Variants in ZBTB16 observed in about 807,000 individuals in gnomAD.
ZBTB16 encodes zinc finger and BTB domain containing 16.
Under a neutral mutation model 56.8 loss-of-function variants are expected in ZBTB16, and 8 were observed. The observed-to-expected ratio is 0.14, with a 90% confidence interval of 0.08 to 0.25. The LOEUF (loss-of-function observed/expected upper bound fraction) is 0.25, where lower values mean the gene tolerates loss of function less well. Ranked by LOEUF, ZBTB16 falls within the 10% of genes least tolerant of loss-of-function variation. The probability of loss-of-function intolerance (pLI) is 1.00; values close to 1 mark genes in which losing one functional copy is unlikely to be tolerated. For synonymous variants in ZBTB16, 363 were observed against 368.5 expected (o/e 0.98, Z 0.17); for missense variants, 625 against 903.0 (o/e 0.69, Z 3.95).
intron 2 of ZBTB16, among the ~76,000 whole-genome samples, chr11:114,089,024 GCCTGCAGCTGGGTCCTCTTTTCTCCCT>G (rs1940076478): frequency 6.6e-6 from 1 of 152,212 alleles, no homozygotes; most frequent in African/African-American, 2.4e-5. Context: ...GGACTACGAG[GCCTGCAGCTGGGTCCTCTTTTCTCCCT>G]CCTCACCCCC....
intron 3 of ZBTB16, among the ~76,000 whole-genome samples, chr11:114,184,109 G>T (rs1429358664): frequency 2.0e-5 from 3 of 152,086 alleles, no homozygotes; most frequent in African/African-American, 7.2e-5. Flanking sequence ...TCTTCCATGG[G>T]GTACTTTATC....
chr11:114,220,430 T>C (rs976896115), intron 4 of ZBTB16, among the ~76,000 whole-genome samples: 3 of 152,314 alleles, frequency 2.0e-5, no homozygotes, highest in South Asian at 2.1e-4. Flanking sequence ...TAGCCTCCGA[T>C]GCTTACAGAA....
intron 2 of ZBTB16, among the ~76,000 whole-genome samples, chr11:114,086,782 G>T (rs1002076759): frequency 2.6e-5 from 4 of 152,192 alleles, no homozygotes; most frequent in Admixed American, 2.0e-4. Context: ...CTCTGTTGAT[G>T]CTGTTCTTTC....
chr11:114,171,563 A>G (rs1030511278), intron 3 of ZBTB16, among the ~76,000 whole-genome samples: 2 of 152,312 alleles, frequency 1.3e-5, no homozygotes, highest in East Asian at 1.9e-4. Flanking sequence ...GCTTCCCGAT[A>G]TAGCCCCCGG....
intron 2 of ZBTB16, among the ~76,000 whole-genome samples, chr11:114,111,954 C>A (rs367765943): frequency 6.6e-6 from 1 of 151,958 alleles, no homozygotes; most frequent in Non-Finnish European, 1.5e-5. Flanking sequence ...GGCTTCCAGA[C>A]GCACTTCAAT....
chr11:114,091,288 C>T (rs2137726048), intron 2 of ZBTB16, among the ~76,000 whole-genome samples: 1 of 152,262 alleles, frequency 6.6e-6, no homozygotes, highest in East Asian at 1.9e-4. Flanking sequence ...ATGGAGACTG[C>T]AGTGAGGCGA....
At chr11:114,224,260 A>G (rs1399657436) in intron 4 of ZBTB16, among the ~76,000 whole-genome samples, 1 of 152,236 alleles carries the variant, frequency 6.6e-6, no homozygotes, top group African/African-American at 2.4e-5. Flanking sequence ...ATAAATGCAC[A>G]AAAAGATACT....
Position 114,169,435 on chromosome 11 carries a change from C to T in ZBTB16, c.1366+13001C>T, listed in dbSNP as rs192095406. 5.3e-5 allele frequency among the ~76,000 whole-genome samples: 8 copies of T among 152,172 alleles called. No homozygotes were observed. The East Asian group carries it at 5.8e-4, about 11-fold the overall frequency. Reference sequence around the variant, plus strand: ...GGATGCTGGAGCTTTCTCTGGGGAGCGAAACATCAGCCAAATGGGAACCAG... The same window carrying T: ...GGATGCTGGAGCTTTCTCTGGGGAGTGAAACATCAGCCAAATGGGAACCAG... On this transcript the variant is annotated intron_variant, in intron 3 of 6. Transcript: ENST00000335953.
intron 2 of ZBTB16, among the ~76,000 whole-genome samples, chr11:114,154,295 C>T (rs1942349422): frequency 6.6e-6 from 1 of 152,288 alleles, no homozygotes. Flanking sequence ...AGTGGGCACT[C>T]CAGGAGCTAA....
intron 4 of ZBTB16, among the ~76,000 whole-genome samples, chr11:114,221,410 T>A (rs1043035407): frequency 6.6e-6 from 1 of 152,212 alleles, no homozygotes; most frequent in African/African-American, 2.4e-5. Flanking sequence ...TCTTGCCTGT[T>A]GGGAGATTAA....
At chr11:114,190,579 T>C (rs1001352620) in intron 4 of ZBTB16, among the ~76,000 whole-genome samples, 61 of 152,312 alleles carry the variant, frequency 4.0e-4, no homozygotes, top group African/African-American at 1.4e-3. Context: ...TGTGTATTAG[T>C]TGAACTGTAC....
intron 4 of ZBTB16, among the ~76,000 whole-genome samples, chr11:114,214,204 C>T (rs1452938904): frequency 6.6e-6 from 1 of 152,136 alleles, no homozygotes. Context: ...CTCATCTTTC[C>T]ATCTCTGGGA....
chr11:114,245,001 C>T (rs944178303), intron 5 of ZBTB16, among the ~76,000 whole-genome samples: 3 of 152,206 alleles, frequency 2.0e-5, no homozygotes, highest in Non-Finnish European at 4.4e-5. Context: ...AAGTCGTAAT[C>T]GTTGCCGATT....
chr11:114,116,821 A>G (rs1941188453), intron 2 of ZBTB16, among the ~76,000 whole-genome samples: 1 of 152,320 alleles, frequency 6.6e-6, no homozygotes, highest in Middle Eastern at 3.4e-3. Flanking sequence ...ATGAGTGTTT[A>G]TTGAGTCCTA....
At chr11:114,194,110 C>T (rs1270354284) in intron 4 of ZBTB16, among the ~76,000 whole-genome samples, 1 of 152,128 alleles carries the variant, frequency 6.6e-6, no homozygotes, top group Non-Finnish European at 1.5e-5. Context: ...TGCTCCATTG[C>T]ACTAAGAAGC....
intron 4 of ZBTB16, among the ~76,000 whole-genome samples, chr11:114,238,544 T>C (rs1471811575): frequency 6.6e-6 from 1 of 152,074 alleles, no homozygotes; most frequent in Non-Finnish European, 1.5e-5. Flanking sequence ...ACTCATTCCA[T>C]TTTAATTACC....
In ZBTB16 at chr11:114,256,309, C is replaced by T. The variant is rs1945014103; in HGVS notation, c.*5754C>T. ...CAGCAAGACCACCATGTACCAGTTA[C>T]TGTTGTCGGCGCTGGGAATTACAGC... On this transcript the variant is annotated 3_prime_UTR_variant, in exon 7 of 7. Transcript: ENST00000335953. 6.6e-6 allele frequency among the ~76,000 whole-genome samples: 1 copy of T among 152,218 alleles called. No homozygotes were observed. Among genetic ancestry groups the T allele is most frequent in the African/African-American group, 2.4e-5 (1 of 41,452 alleles).
intron 2 of ZBTB16, among the ~76,000 whole-genome samples, chr11:114,098,653 G>T (rs1193066868): frequency 6.6e-6 from 1 of 152,034 alleles, no homozygotes; most frequent in East Asian, 1.9e-4. Context: ...CTTGAGTCAG[G>T]TGGGCCAAGA....
At chr11:114,098,534 CTT>C (rs1371431881) in intron 2 of ZBTB16, among the ~76,000 whole-genome samples, 1 of 94,018 alleles carries the variant, frequency 1.1e-5, no homozygotes, top group East Asian at 5.1e-4. Flanking sequence ...AAAAGTCTGA[CTT>C]AAATTAAAAA....
Sources: allele counts gnomAD v4.1 joint callset (sites outside exome capture counted in the v4.1 genomes callset), GRCh38; gene constraint gnomAD v4.1.1; transcripts MANE v1.5; gene names NCBI Gene and HGNC (gene_info 2026-07-23, HGNC 2026-07-21).